Variants in RAPSN observed in about 807,000 individuals in gnomAD.
RAPSN encodes receptor associated protein of the synapse, also known as 43 kDa receptor-associated protein of the synapse.
Under a neutral mutation model 45.7 loss-of-function variants are expected in RAPSN, and 33 were observed. That is an observed-to-expected ratio of 0.72 (90% CI 0.55 to 0.97). RAPSN has a LOEUF of 0.97. Ranked by LOEUF, RAPSN falls within the 50% of genes least tolerant of loss-of-function variation. The pLI, the probability that RAPSN is intolerant of heterozygous loss-of-function variation, is 0.00. For missense variants in RAPSN, 519 were observed against 559.4 expected (o/e 0.93, Z 0.73); for synonymous variants, 244 against 233.6 (o/e 1.04, Z -0.40).
chr11:47,443,918 A>G (rs1387832576), intron 2 of RAPSN, among the ~76,000 whole-genome samples: 1 of 128,220 alleles, frequency 7.8e-6, no homozygotes, highest in Non-Finnish European at 1.6e-5. Context: ...TGACAGAGGC[A>G]GACTCTGTCT....
intron 6 of RAPSN, 33 bp downstream of exon 6, chr11:47,441,126 A>T (rs201459616): frequency 6.2e-7 from 1 of 1,613,620 alleles, no homozygotes; most frequent in East Asian, 2.2e-5. Context: ...TGGGCCCTTG[A>T]CCCCAGATCC....
At chr11:47,448,426 C>G (rs1005084086) in intron 1 of RAPSN, among the ~76,000 whole-genome samples, 1 of 151,564 alleles carries the variant, frequency 6.6e-6, no homozygotes, top group South Asian at 2.1e-4. Context: ...CCACCCACCC[C>G]CAGCCGCAAC....
At position 47,438,839 on chromosome 11, in the gene RAPSN, G is replaced by T; in HGVS notation, c.1059C>A (p.His353Gln). The change falls in exon 7 of 8, where the codon CAC (histidine) becomes CAA (glutamine). Residue 353 changes from histidine (H) to glutamine (Q), a missense_variant. Physicochemically the swap from His to Gln is conservative, Grantham distance 24. Transcript: ENST00000298854. Reference protein sequence around the residue: ...RELRAHVVRFHECVEETELYC... With the variant: ...RELRAHVVRFQECVEETELYC... ...AGAGCTCCGTCTCCTCCACGCACTC[G>T]TGGAACCTCACAACGTGCGCCCGCA... The T allele has an allele frequency of 6.4e-7, 1 of 1,573,948 alleles. No individual in the cohort carries two copies. Among genetic ancestry groups the T allele is most frequent in the African/African-American group, 1.3e-5 (1 of 74,494 alleles).
At chr11:47,447,236 AC>A (rs916091428) in intron 2 of RAPSN, among the ~76,000 whole-genome samples, 1 of 151,910 alleles carries the variant, frequency 6.6e-6, no homozygotes, top group Non-Finnish European at 1.5e-5. Context: ...TGACACCCCC[AC>A]GCCCAGTGCT....
At chr11:47,448,550 C>A (rs1272060170) in intron 1 of RAPSN, among the ~76,000 whole-genome samples, 2 of 152,216 alleles carry the variant, frequency 1.3e-5, no homozygotes, top group African/African-American at 4.8e-5. Flanking sequence ...GAACCTCAGT[C>A]TCAGAGACTC....
chr11:47,442,914 G>C, intron 2 of RAPSN, 100 bp from the exon 3 acceptor site: 1 of 1,573,418 alleles, frequency 6.4e-7, no homozygotes, highest in East Asian at 2.3e-5. Flanking sequence ...GGTAGGGGCA[G>C]GGGGCCCGAG....
intron 2 of RAPSN, among the ~76,000 whole-genome samples, chr11:47,447,018 C>G (rs544892098): frequency 6.6e-6 from 1 of 152,156 alleles, no homozygotes; most frequent in South Asian, 2.1e-4. Context: ...ACCTGAGACA[C>G]GCCTGGCAGC....
intron 2 of RAPSN, among the ~76,000 whole-genome samples, chr11:47,445,560 C>A (rs1305084790): frequency 2.2e-5 from 3 of 136,898 alleles, no homozygotes; most frequent in African/African-American, 8.2e-5. Flanking sequence ...CGAGCCACTG[C>A]ACTCCAGCCT....
chr11:47,448,750 G>A (rs768772666), intron 1 of RAPSN, 23 bp downstream of exon 1: 15 of 1,604,546 alleles, frequency 9.3e-6, no homozygotes, highest in African/African-American at 5.3e-5. Flanking sequence ...ACCCTCGAAC[G>A]CCCCCAGGCC....
intron 2 of RAPSN, among the ~76,000 whole-genome samples, chr11:47,446,223 T>TA (rs575360258): frequency 5.1e-3 from 691 of 134,230 alleles, no homozygotes; most frequent in Middle Eastern, 0.015. Flanking sequence ...CTTGCCAAAT[T>TA]AAAAAAAAAA....
chr11:47,448,075 C>T lies in RAPSN; in HGVS notation c.268G>A (p.Ala90Thr), dbSNP rs752532591. The change falls in exon 2 of 8, where the codon GCA becomes ACA. Residue 90 changes from alanine to threonine, a missense_variant. Coordinates refer to ENST00000298854, the MANE Select transcript of RAPSN (RefSeq NM_005055.5). ...TCGCACAGCTTCTCGTTGCTGCGTG[C>T]CAGGTTCAGGTAGCTCTCCAGGAGG... ...DFLLESYLNL[A>T]RSNEKLCEFH... The T allele has an allele frequency of 6.2e-7, 1 of 1,613,958 alleles. No individual in the cohort carries two copies. Among genetic ancestry groups the T allele is most frequent in the South Asian group, 1.1e-5 (1 of 91,086 alleles).
intron 6 of RAPSN, 94 bp from the exon 7 acceptor site, chr11:47,439,025 T>C: frequency 2.2e-6 from 3 of 1,376,542 alleles, no homozygotes; most frequent in East Asian, 2.5e-5. Flanking sequence ...GTCTTGCTGA[T>C]GGACCTTGGA....
chr11:47,445,593 C>CAAAAAAAAAAAAAAAAAA (rs61001294), intron 2 of RAPSN, among the ~76,000 whole-genome samples: 1 of 58,330 alleles, frequency 1.7e-5, no homozygotes, highest in African/African-American at 6.7e-5. Flanking sequence ...GAGACTGTCT[C>CAAAAAAAAAAAAAAAAAA]AAAAAAAAAA....
chr11:47,438,890 G>C lies in RAPSN; in HGVS notation c.1008C>G (p.Tyr336Ter). 1 of 1,564,884 alleles carries C rather than the reference G, an allele frequency of 6.4e-7. No individual in the cohort carries two copies. Among genetic ancestry groups the C allele is most frequent in the Non-Finnish European group, 8.7e-7 (1 of 1,154,162 alleles). ...LKLHCLSESI[Y>*]RSKGLQRELR... ...GTTCCCGCTGCAGCCCTTTGCTGCGGTAAATGCTCTCGCTCAGACAGTGCA... is the reference window on the plus strand; with the variant it reads ...GTTCCCGCTGCAGCCCTTTGCTGCGCTAAATGCTCTCGCTCAGACAGTGCA... The change falls in exon 7 of 8, where the codon TAC becomes TAG. Residue 336 changes from tyrosine to a stop codon, truncating the protein, a stop_gained. Coordinates refer to ENST00000298854, the MANE Select transcript of RAPSN (RefSeq NM_005055.5). LOFTEE classifies it high-confidence loss of function.
Position 47,447,849 on chromosome 11 carries a change from A to G in RAPSN, c.494T>C (p.Val165Ala). The G allele has an allele frequency of 1.2e-6, 2 of 1,613,446 alleles. No individual in the cohort carries two copies. Among genetic ancestry groups the G allele is most frequent in the South Asian group, 1.1e-5 (1 of 90,994 alleles). Residue 165 changes from valine (V) to alanine (A), a missense_variant, in exon 2 of 8, where the codon GTG becomes GCG. Physicochemically the swap from Val to Ala is moderately conservative, Grantham distance 64. Coordinates refer to ENST00000298854, the MANE Select transcript of RAPSN (RefSeq NM_005055.5). Reference protein sequence around the residue: ...NNDDAMLECRVCCSLGSFYAQ... With the variant: ...NNDDAMLECRACCSLGSFYAQ... The stretch of plus-strand genomic sequence containing the variant: ...ATAGAAGCTGCCCAGGCTGCAGCAC[A>G]CGCGGCACTCGAGCATGGCGTCATC...
chr11:47,442,938 A>T (rs2076377485), intron 2 of RAPSN, 124 bp from the exon 3 acceptor site: 21 of 1,497,624 alleles, frequency 1.4e-5, no homozygotes, highest in Non-Finnish European at 1.9e-5. Flanking sequence ...CTGCTCATTC[A>T]TTGTGACATC....
rs535365570 is a variant in RAPSN at position 47,444,763 on chromosome 11, C to A, written c.532-1949G>T. The stretch of plus-strand genomic sequence containing the variant: ...GTCCCAGCTACTTGGGAGGCTGAGG[C>A]AGGAGAATCACTTGAATCTGGGAGA... On this transcript the variant is annotated intron_variant, in intron 2 of 7. Coordinates refer to ENST00000298854, the MANE Select transcript of RAPSN (RefSeq NM_005055.5). 1.9e-4 allele frequency among the ~76,000 whole-genome samples: 27 copies of A among 141,248 alleles called. No homozygotes were observed. The South Asian group carries it at 5.8e-3, about 30-fold the overall frequency. 92.7% of individuals were successfully genotyped at this position (141,248 alleles called of 152,430 possible).
chr11:47,442,960 TG>T, intron 2 of RAPSN, 146 bp from the exon 3 acceptor site: 1 of 1,384,546 alleles, frequency 7.2e-7, no homozygotes, highest in African/African-American at 1.4e-5. Flanking sequence ...AGGACAAGAG[TG>T]GCCCGGTAGA....
At chr11:47,443,459 C>A (rs1414712433) in intron 2 of RAPSN, among the ~76,000 whole-genome samples, 1 of 152,172 alleles carries the variant, frequency 6.6e-6, no homozygotes, top group African/African-American at 2.4e-5. Context: ...CCAGATCTCC[C>A]ATCTCCGCAC....
Sources: allele counts gnomAD v4.1 joint callset (sites outside exome capture counted in the v4.1 genomes callset), GRCh38; gene constraint gnomAD v4.1.1; transcripts MANE v1.5; gene names NCBI Gene and HGNC (gene_info 2026-07-23, HGNC 2026-07-21).